Variants in CNTN5 observed in about 807,000 individuals in gnomAD.
CNTN5 encodes contactin-5.
A neutral mutation model predicts 129.1 loss-of-function variants in CNTN5; 77 were observed. The ratio of observed to expected loss-of-function variants is 0.60; its 90% CI spans 0.50 to 0.72. The LOEUF is 0.72. Ranked by LOEUF, CNTN5 falls within the 30% of genes least tolerant of loss-of-function variation. The probability of loss-of-function intolerance (pLI) is 0.00; values close to 1 mark genes in which losing one functional copy is unlikely to be tolerated. For missense variants in CNTN5, 1,478 were observed against 1,328.8 expected (o/e 1.11, Z -1.75); for synonymous variants, 509 against 465.6 (o/e 1.09, Z -1.20).
intron 7 of CNTN5, among the ~76,000 whole-genome samples, chr11:99,919,384 C>T (rs2136026537): frequency 6.6e-6 from 1 of 152,268 alleles, no homozygotes; most frequent in Non-Finnish European, 1.5e-5. Context: ...ACCTGCTATT[C>T]TTTCCTCCAT....
chr11:99,986,112 TCAC>T (rs1938659484), intron 8 of CNTN5, among the ~76,000 whole-genome samples: 1 of 152,154 alleles, frequency 6.6e-6, no homozygotes, highest in Non-Finnish European at 1.5e-5. Context: ...TTTTATCAGT[TCAC>T]CACTTCACTG....
At chr11:99,565,796 G>C (rs1455644154) in intron 3 of CNTN5, among the ~76,000 whole-genome samples, 2 of 152,178 alleles carry the variant, frequency 1.3e-5, no homozygotes, top group East Asian at 1.9e-4. Context: ...AAATTTGTAT[G>C]CCTTTTCTTC....
chr11:99,615,525 C>G (rs1185782561), intron 3 of CNTN5, among the ~76,000 whole-genome samples: 1 of 152,106 alleles, frequency 6.6e-6, no homozygotes, highest in African/African-American at 2.4e-5. Context: ...GACAGCTTAG[C>G]TACTGAAACT....
Position 99,071,736 on chromosome 11 carries a change from T to A in CNTN5, c.-210+50466T>A, listed in dbSNP as rs373853219. Among the ~76,000 whole-genome samples the A allele has an allele frequency of 1.6e-4, 25 of 152,240 alleles. No individual in the cohort carries two copies. In the East Asian group the frequency reaches 3.5e-3, roughly 21 times the overall value. ...ATCATTTGCTTTATTTATGAACAAC[T>A]TTTCAGTATGTTAAGTGAAGTCAAT... On this transcript the variant is annotated intron_variant, in intron 1 of 24. Coordinates refer to ENST00000524871, the MANE Select transcript of CNTN5 (RefSeq NM_014361.4).
Position 99,858,946 on chromosome 11 carries a change from C to G in CNTN5, c.577+13684C>G, listed in dbSNP as rs145455832. ...ACCTTCATTTGAACTTCAAAAAATC[C>G]TACAAATTAGGCATTATTTACATTT... On this transcript the variant is annotated intron_variant, in intron 6 of 24. Coordinates refer to ENST00000524871, the MANE Select transcript of CNTN5 (RefSeq NM_014361.4). Among the ~76,000 whole-genome samples, 983 of 143,660 alleles carry G rather than the reference C, an allele frequency of 6.8e-3. 12 individuals carry two copies. Among genetic ancestry groups the G allele is most frequent in the African/African-American group, 0.024 (935 of 38,798 alleles). The allele number at this position is 143,660 out of a possible 152,430, so 94.2% of individuals were successfully genotyped here.
intron 3 of CNTN5, among the ~76,000 whole-genome samples, chr11:99,562,912 A>G (rs1948888182): frequency 6.6e-6 from 1 of 152,202 alleles, no homozygotes; most frequent in South Asian, 2.1e-4. Flanking sequence ...AATTTAGGGA[A>G]GATGACCGAG....
Position 99,795,661 on chromosome 11 carries a change from T to A in CNTN5, c.56-23883T>A, listed in dbSNP as rs886078114. 2.6e-5 allele frequency among the ~76,000 whole-genome samples: 4 copies of A among 152,034 alleles called. No individual in the cohort carries two copies. The East Asian group carries it at 5.8e-4, about 22-fold the overall frequency. On this transcript the variant is annotated intron_variant, in intron 3 of 24. Transcript: ENST00000524871. Reference sequence around the variant, plus strand: ...CATTGTTACCCTTTGGATCTTTTTTTAAAAAAATTATCTTCTTTGGTGTCT... The same window carrying A: ...CATTGTTACCCTTTGGATCTTTTTTAAAAAAAATTATCTTCTTTGGTGTCT...
At chr11:99,666,605 G>A (rs1952801540) in intron 3 of CNTN5, among the ~76,000 whole-genome samples, 1 of 152,164 alleles carries the variant, frequency 6.6e-6, no homozygotes, top group Admixed American at 6.5e-5. Flanking sequence ...GACAAGCTCC[G>A]AAACAGTCTT....
At chr11:99,780,047 T>C (rs989646519) in intron 3 of CNTN5, among the ~76,000 whole-genome samples, 1 of 151,880 alleles carries the variant, frequency 6.6e-6, no homozygotes, top group Non-Finnish European at 1.5e-5. Flanking sequence ...ATAGAAGGAG[T>C]CTGGACATGG....
Position 100,193,674 on chromosome 11 carries a change from A to G in CNTN5, c.1884+11A>G, listed in dbSNP as rs1215909697. 3 of 1,606,684 alleles carry G rather than the reference A, an allele frequency of 1.9e-6. No homozygotes were observed. Among genetic ancestry groups the G allele is most frequent in the Middle Eastern group, 1.7e-4 (1 of 6,032 alleles). ...GAAAGCATCAGGGCCGTAAGTGAAT[A>G]CACTTTTATTCTTTTAGTAATGATA... is the stretch of plus-strand genomic sequence containing the variant. On this transcript the variant is annotated intron_variant, in intron 15 of 24. Transcript: ENST00000524871.
chr11:100,140,249 C>T (rs1946652568), intron 13 of CNTN5, among the ~76,000 whole-genome samples: 2 of 152,110 alleles, frequency 1.3e-5, no homozygotes, highest in African/African-American at 4.8e-5. Flanking sequence ...GCCAACATGG[C>T]TTTGTATTTT....
intron 1 of CNTN5, among the ~76,000 whole-genome samples, chr11:99,084,249 T>A (rs1265703488): frequency 6.6e-6 from 1 of 152,194 alleles, no homozygotes; most frequent in East Asian, 1.9e-4. Flanking sequence ...TGGCAGTAAT[T>A]CTTTGAATCT....
At chr11:99,267,905 AAC>A (rs1165135036) in intron 1 of CNTN5, among the ~76,000 whole-genome samples, 20 of 127,470 alleles carry the variant, frequency 1.6e-4, no homozygotes, top group African/African-American at 4.1e-4. Flanking sequence ...CTATCAAGTA[AAC>A]ACACACACAC....
chr11:99,401,316 G>A (rs1299930520), intron 2 of CNTN5, among the ~76,000 whole-genome samples: 1 of 152,066 alleles, frequency 6.6e-6, no homozygotes, highest in Non-Finnish European at 1.5e-5. Context: ...AGTTCACCTA[G>A]CACCATTTAC....
chr11:99,031,633 GA>G lies in CNTN5; in HGVS notation c.-210+10372del, dbSNP rs200223033. 1.0e-2 allele frequency among the ~76,000 whole-genome samples: 1,467 copies of G among 147,088 alleles called. 25 individuals are homozygous for G. Among genetic ancestry groups the G allele is most frequent in the African/African-American group, 0.034 (1,390 of 40,364 alleles). On this transcript the variant is annotated intron_variant, in intron 1 of 24. Transcript: ENST00000524871. ...TAAATATTCATACCATGAGCTATTTGAAAAAAAAACCAAACAAACCTGGAAT... is the reference window on the plus strand; with the variant it reads ...TAAATATTCATACCATGAGCTATTTGAAAAAAAACCAAACAAACCTGGAAT...
At chr11:99,308,032 A>G (rs11602341) in intron 1 of CNTN5, among the ~76,000 whole-genome samples, 14,274 of 152,282 alleles carry the variant, frequency 0.094, 677 homozygotes, top group South Asian at 0.14. Context: ...AATAACATGC[A>G]CTGCTGCATC....
chr11:99,183,407 A>G (rs558832304), intron 1 of CNTN5, among the ~76,000 whole-genome samples: 2 of 152,252 alleles, frequency 1.3e-5, no homozygotes, highest in African/African-American at 2.4e-5. Context: ...TGCAGAGATC[A>G]TTATAACTAT....
At chr11:99,642,796 G>T (rs1425534542) in intron 3 of CNTN5, among the ~76,000 whole-genome samples, 3 of 152,168 alleles carry the variant, frequency 2.0e-5, no homozygotes, top group African/African-American at 7.2e-5. Flanking sequence ...GCTCTACTCT[G>T]CCTCTGTGAG....
intron 8 of CNTN5, among the ~76,000 whole-genome samples, chr11:99,996,102 C>G (rs532408546): frequency 3.3e-5 from 5 of 152,244 alleles, no homozygotes; most frequent in South Asian, 2.1e-4. Context: ...CCAAATTCCC[C>G]AAGCTGCAAA....
Sources: allele counts gnomAD v4.1 joint callset (sites outside exome capture counted in the v4.1 genomes callset), GRCh38; gene constraint gnomAD v4.1.1; transcripts MANE v1.5; gene names NCBI Gene and HGNC (gene_info 2026-07-23, HGNC 2026-07-21).